The following AHRR variants were observed in gnomAD, a reference collection of about 807,000 sequenced individuals.
AHRR encodes the protein aryl hydrocarbon receptor repressor.
A neutral mutation model predicts 44.0 loss-of-function variants in AHRR; 28 were observed. That is an observed-to-expected ratio of 0.64 (90% CI 0.47 to 0.87). AHRR has a LOEUF of 0.87. Among genes scored for constraint, AHRR ranks in the 40% least tolerant of loss-of-function variants. The pLI is 0.00. For missense variants in AHRR, 990 were observed against 953.9 expected, an observed-to-expected ratio of 1.04 and a Z score of -0.50; for synonymous variants, 434 against 407.0, an observed-to-expected ratio of 1.07 and a Z score of -0.80.
chr5:379,462 C>G (rs1733890521), intron 4 of AHRR, among the ~76,000 whole-genome samples: 1 of 152,186 alleles, frequency 6.6e-6, no homozygotes, highest in Non-Finnish European at 1.5e-5. Context: ...TAACTCTTAT[C>G]CCCCAGCAGT....
intron 1 of AHRR, among the ~76,000 whole-genome samples, chr5:329,671 A>C (rs894383599): frequency 2.0e-5 from 3 of 152,124 alleles, no homozygotes; most frequent in African/African-American, 7.2e-5. Context: ...ATTTTCTTTC[A>C]TCAGTGTTTT....
rs547191433 is a variant in AHRR at position 388,917 on chromosome 5, G to T, written c.351+12201G>T. Among the ~76,000 whole-genome samples, 5 of 152,172 alleles carry T rather than the reference G, an allele frequency of 3.3e-5. No homozygotes were observed. The highest frequency in any genetic ancestry group is 3.3e-4 in the Admixed American group (5 of 15,280). ...TGCGGAGGGTTTCCGCCGGTGCCTC[G>T]CACAGGAGAGAAGATGGAGCCGAGT... On this transcript the variant is annotated intron_variant, in intron 4 of 10. Coordinates refer to ENST00000684583, the MANE Select transcript of AHRR (RefSeq NM_001377236.1). This position sits in a 1 kb window ranked among gnomAD's most constrained non-coding sequence, Gnocchi z 5.2.
In AHRR at chr5:434,146, G is replaced by A. The variant is rs769781351; in HGVS notation, c.1406G>A (p.Arg469Gln). 5.6e-5 allele frequency: 90 copies of A among 1,610,062 alleles called. No individual in the cohort carries two copies. Among genetic ancestry groups the A allele is most frequent in the East Asian group, 3.1e-4 (14 of 44,880 alleles). ...TCCAGCCGGACCAGCAGACCCATGCGGGATGTCGGTGAGGACCAGGTGCAC... is the reference window on the plus strand; with the variant it reads ...TCCAGCCGGACCAGCAGACCCATGCAGGATGTCGGTGAGGACCAGGTGCAC... ...AYSSRTSRPM[R>Q]DVGEDQVHPP... is the part of the protein sequence containing the mutation. Residue 469 changes from arginine to glutamine, a missense_variant, in exon 11 of 11, where the codon CGG becomes CAG. Arg to Gln is a conservative substitution (Grantham distance 43). Transcript: ENST00000684583.
intron 5 of AHRR, among the ~76,000 whole-genome samples, chr5:420,427 C>T (rs1736021920): frequency 6.6e-6 from 1 of 152,238 alleles, no homozygotes; most frequent in East Asian, 1.9e-4. Context: ...TGACCCCCCA[C>T]TGCTCACCAA....
chr5:415,372 CGGGTGGG>C, intron 5 of AHRR, among the ~76,000 whole-genome samples: 2 of 119,000 alleles, frequency 1.7e-5, no homozygotes, highest in African/African-American at 3.0e-5. Flanking sequence ...TCTCCCTGGT[CGGGTGGG>C]AGGCCTAGGG....
intron 4 of AHRR, among the ~76,000 whole-genome samples, chr5:382,687 C>T (rs1734032194): frequency 6.6e-6 from 1 of 151,548 alleles, no homozygotes; most frequent in South Asian, 2.1e-4. Context: ...ATTTAATTTC[C>T]TCTTCTTTTT....
chr5:411,095 C>T lies in AHRR; in HGVS notation c.352-2249C>T, dbSNP rs1485675900. Among the ~76,000 whole-genome samples the T allele has an allele frequency of 6.6e-6, 1 of 151,748 alleles. No individual in the cohort carries two copies. The highest frequency in any genetic ancestry group is 1.5e-5 in the Non-Finnish European group (1 of 67,964). ...AAATTTTCAAAAATTCAAATTTTGA[C>T]TCTGTTAATGGCCTTTATTATTTGA... On this transcript the variant is annotated intron_variant, in intron 4 of 10. Coordinates refer to ENST00000684583, the MANE Select transcript of AHRR (RefSeq NM_001377236.1). This position sits in a 1 kb window ranked among gnomAD's most constrained non-coding sequence, Gnocchi z 4.2.
chr5:397,241 G>GT (rs1734760897), intron 4 of AHRR, among the ~76,000 whole-genome samples: 2 of 86,968 alleles, frequency 2.3e-5, no homozygotes, highest in African/African-American at 1.0e-4. Context: ...GACCATCCAC[G>GT]TAGCCCCTGA....
intron 1 of AHRR, among the ~76,000 whole-genome samples, chr5:340,442 C>G (rs1230960701): frequency 6.6e-6 from 1 of 151,356 alleles, no homozygotes; most frequent in Non-Finnish European, 1.5e-5. Flanking sequence ...TCTCTTCCTG[C>G]CTTACAGATG....
intron 2 of AHRR, among the ~76,000 whole-genome samples, chr5:345,070 ATGTGTGTG>A (rs150724632): frequency 5.9e-4 from 6 of 10,136 alleles, no homozygotes; most frequent in African/African-American, 1.3e-3. Context: ...GTGTGTGGGG[ATGTGTGTG>A]TGTGTGTGTG....
In AHRR at chr5:432,913, C is replaced by T; in HGVS notation, c.1078C>T (p.Pro360Ser). Residue 360 changes from proline to serine, a missense_variant, in exon 10 of 11, where the codon CCT (proline) becomes TCT (serine). Pro to Ser is a moderately conservative substitution (Grantham distance 74, BLOSUM62 -1). Transcript: ENST00000684583. ...CCCATGCCTGTGCCTCCGGGGTGGCCCTGACCTTGTCCTTGACCCCAAGGG... is the reference window on the plus strand; with the variant it reads ...CCCATGCCTGTGCCTCCGGGGTGGCTCTGACCTTGTCCTTGACCCCAAGGG... Reference protein sequence around the residue: ...RAPCLCLRGGPDLVLDPKGGS... With the variant: ...RAPCLCLRGGSDLVLDPKGGS... 1 of 1,612,804 alleles carries T rather than the reference C, an allele frequency of 6.2e-7. No homozygotes were observed. The highest frequency in any genetic ancestry group is 8.5e-7 in the Non-Finnish European group (1 of 1,179,666).
intron 5 of AHRR, among the ~76,000 whole-genome samples, chr5:417,821 A>G (rs962936066): frequency 6.6e-6 from 1 of 152,130 alleles, no homozygotes; most frequent in African/African-American, 2.4e-5. Context: ...AAAATATCTC[A>G]TGAAAAAATT....
chr5:403,821 C>G, intron 4 of AHRR: 1 of 1,533,178 alleles, frequency 6.5e-7, no homozygotes, highest in Non-Finnish European at 9.0e-7. Context: ...CTCGATATGC[C>G]TTCTCTTCCT....
At chr5:378,907 A>G (rs1036462208) in intron 4 of AHRR, among the ~76,000 whole-genome samples, 2 of 152,172 alleles carry the variant, frequency 1.3e-5, no homozygotes, top group Admixed American at 6.5e-5. Context: ...TGCAGGATAC[A>G]TTTTCTAACA....
chr5:426,142 C>T (rs1217563342), intron 7 of AHRR, among the ~76,000 whole-genome samples: 2 of 152,244 alleles, frequency 1.3e-5, no homozygotes, highest in Admixed American at 6.5e-5. Flanking sequence ...TGAATCCCCA[C>T]CAATTATGTG....
intron 2 of AHRR, among the ~76,000 whole-genome samples, chr5:351,578 GC>G (rs1178037465): frequency 5.3e-5 from 8 of 152,208 alleles, no homozygotes; most frequent in African/African-American, 1.7e-4. Context: ...ACTGAGGGCT[GC>G]CAGGGCTAAC....
At chr5:397,618 T>TCCACGTAGCTCCTGA (rs1396711120) in intron 4 of AHRR, among the ~76,000 whole-genome samples, 42 of 57,948 alleles carry the variant, frequency 7.2e-4, no homozygotes, top group Non-Finnish European at 8.1e-4. Context: ...CTCCTGACCA[T>TCCACGTAGCTCCTGA]CCATGTTAGC....
At chr5:331,318 GT>G (rs1467604503) in intron 1 of AHRR, among the ~76,000 whole-genome samples, 1 of 151,992 alleles carries the variant, frequency 6.6e-6, no homozygotes, top group Non-Finnish European at 1.5e-5. Context: ...TTTCCTCTAG[GT>G]TTTCTAATCT....
At chr5:372,453 G>T (rs1213068529) in intron 3 of AHRR, among the ~76,000 whole-genome samples, 2 of 152,120 alleles carry the variant, frequency 1.3e-5, no homozygotes, top group African/African-American at 4.8e-5. Flanking sequence ...TCTTCTGCTC[G>T]CTTTGCCTGT....
Sources: allele counts gnomAD v4.1 joint callset (sites outside exome capture counted in the v4.1 genomes callset), GRCh38; gene constraint gnomAD v4.1.1; non-coding constraint Gnocchi (gnomAD v3.1); transcripts MANE v1.5; gene names NCBI Gene and HGNC (gene_info 2026-07-23, HGNC 2026-07-21).